SEMA6D: variants seen among roughly 807,000 people sequenced by gnomAD.
The protein encoded by SEMA6D is semaphorin 6D.
A neutral mutation model predicts 106.6 loss-of-function variants in SEMA6D; 35 were observed. That is an observed-to-expected ratio of 0.33 (90% CI 0.25 to 0.44). SEMA6D has a LOEUF of 0.44. Ranked by LOEUF, SEMA6D falls within the 20% of genes least tolerant of loss-of-function variation. The pLI is 1.00. For synonymous variants in SEMA6D, 499 were observed against 487.7 expected, an observed-to-expected ratio of 1.02 and a Z score of -0.31; for missense variants, 1,185 against 1,345.9, an observed-to-expected ratio of 0.88 and a Z score of 1.87.
intron 1 of SEMA6D, among the ~76,000 whole-genome samples, chr15:47,346,264 G>A (rs2038041553): frequency 6.6e-6 from 1 of 152,128 alleles, no homozygotes; most frequent in Non-Finnish European, 1.5e-5. Context: ...TGTAGCTCAA[G>A]GTTTTTCCTT....
chr15:47,461,586 T>C (rs1300120529), intron 2 of SEMA6D, among the ~76,000 whole-genome samples: 2 of 152,048 alleles, frequency 1.3e-5, no homozygotes, highest in African/African-American at 4.8e-5. Flanking sequence ...ATATTAATAA[T>C]AATAATGCCC....
intron 3 of SEMA6D, among the ~76,000 whole-genome samples, chr15:47,571,580 G>C (rs777257898): frequency 3.9e-5 from 6 of 152,190 alleles, no homozygotes; most frequent in Non-Finnish European, 7.3e-5. Flanking sequence ...AATATCTGAT[G>C]CCGAGAACTA....
At chr15:47,748,182 A>G (rs1283730210) in intron 1 of SEMA6D, among the ~76,000 whole-genome samples, 3 of 152,256 alleles carry the variant, frequency 2.0e-5, no homozygotes, top group African/African-American at 7.2e-5. Context: ...CCTGAAGCTC[A>G]TGAACTGGAG....
intron 4 of SEMA6D, among the ~76,000 whole-genome samples, chr15:47,624,111 C>T (rs1440171064): frequency 6.6e-6 from 1 of 152,172 alleles, no homozygotes; most frequent in African/African-American, 2.4e-5. Flanking sequence ...TATGATCTGT[C>T]CTCACCTTCA....
chr15:47,694,734 T>C (rs1224337783), intron 4 of SEMA6D, among the ~76,000 whole-genome samples: 1 of 152,164 alleles, frequency 6.6e-6, no homozygotes, highest in Non-Finnish European at 1.5e-5. Flanking sequence ...TTGTGACCAG[T>C]CAACTGCAAG....
intron 2 of SEMA6D, among the ~76,000 whole-genome samples, chr15:47,453,824 G>T (rs923165605): frequency 1.3e-5 from 2 of 151,882 alleles, no homozygotes; most frequent in African/African-American, 4.8e-5. Context: ...GAAAAGTATT[G>T]CAAATGAAGC....
chr15:47,478,067 T>C (rs1343704850), intron 3 of SEMA6D, among the ~76,000 whole-genome samples: 1 of 152,222 alleles, frequency 6.6e-6, no homozygotes, highest in East Asian at 1.9e-4. Context: ...TAGGCAGCTT[T>C]TATTTCTCAA....
intron 3 of SEMA6D, among the ~76,000 whole-genome samples, chr15:47,499,700 A>G (rs2043784102): frequency 6.6e-6 from 1 of 152,092 alleles, no homozygotes; most frequent in African/African-American, 2.4e-5. Flanking sequence ...AGTTTCTTAG[A>G]TGGAAACAAA....
intron 3 of SEMA6D, among the ~76,000 whole-genome samples, chr15:47,564,515 T>G (rs2142760173): frequency 6.6e-6 from 1 of 152,326 alleles, no homozygotes; most frequent in South Asian, 2.1e-4. Flanking sequence ...TGATCTGAAC[T>G]TACTTGAACT....
At chr15:47,622,360 C>T (rs1213751168) in intron 4 of SEMA6D, among the ~76,000 whole-genome samples, 1 of 152,136 alleles carries the variant, frequency 6.6e-6, no homozygotes, top group East Asian at 1.9e-4. Flanking sequence ...CATGAGGTTT[C>T]CTCTAATGTT....
intron 4 of SEMA6D, among the ~76,000 whole-genome samples, chr15:47,681,845 C>A (rs1344230824): frequency 1.3e-5 from 2 of 152,100 alleles, no homozygotes; most frequent in Admixed American, 1.3e-4. Flanking sequence ...ACTGCTTCTC[C>A]ATCTGAAGAA....
chr15:47,446,254 T>C (rs1559678), intron 2 of SEMA6D, among the ~76,000 whole-genome samples: 74,429 of 151,902 alleles, frequency 0.49, 19,885 homozygotes, highest in African/African-American at 0.72. Flanking sequence ...GTCTTCTTAG[T>C]CACTGTAAGG....
chr15:47,644,294 C>T (rs1306973639), intron 4 of SEMA6D, among the ~76,000 whole-genome samples: 2 of 152,192 alleles, frequency 1.3e-5, no homozygotes, highest in East Asian at 3.8e-4. Context: ...ATGTTAAGTG[C>T]ATACACAATT....
At chr15:47,469,299 G>GGT (rs71299525) in intron 2 of SEMA6D, among the ~76,000 whole-genome samples, 54,216 of 149,280 alleles carry the variant, frequency 0.36, 9,992 homozygotes, top group East Asian at 0.6. Flanking sequence ...GTTGCTTTAA[G>GGT]GTGTGTGTGT....
chr15:47,768,845 G>A (rs886856968), intron 18 of SEMA6D, 97 bp downstream of exon 18: 3 of 1,204,346 alleles, frequency 2.5e-6, no homozygotes, highest in African/African-American at 1.5e-5. Flanking sequence ...GGCCTCACAG[G>A]AGCTTCTGCG....
At chr15:47,693,214 A>G (rs749810558) in intron 4 of SEMA6D, among the ~76,000 whole-genome samples, 1 of 152,132 alleles carries the variant, frequency 6.6e-6, no homozygotes, top group African/African-American at 2.4e-5. Context: ...GGGAAAGGCA[A>G]TGTGAAGAGA....
intron 1 of SEMA6D, among the ~76,000 whole-genome samples, chr15:47,190,144 T>C (rs916002012): frequency 3.3e-5 from 5 of 152,190 alleles, no homozygotes; most frequent in Admixed American, 2.6e-4. Flanking sequence ...AGGTGCTAAA[T>C]ATCTAATTAA....
chr15:47,683,023 G>A (rs1033149962), intron 4 of SEMA6D, among the ~76,000 whole-genome samples: 22 of 152,320 alleles, frequency 1.4e-4, no homozygotes, highest in Admixed American at 1.2e-3. Context: ...ACTCTAAAGA[G>A]CAGACCATGA....
intron 1 of SEMA6D, among the ~76,000 whole-genome samples, chr15:47,343,274 A>ATTATTATTATTATTATTATT (rs71425596): frequency 1.5e-5 from 1 of 65,508 alleles, no homozygotes; most frequent in African/African-American, 1.9e-4. Flanking sequence ...TTATTATTAT[A>ATTATTATTATTATTATTATT]CTTTAAGTTT....
Sources: allele counts gnomAD v4.1 joint callset (sites outside exome capture counted in the v4.1 genomes callset), GRCh38; gene constraint gnomAD v4.1.1; transcripts MANE v1.5; gene names NCBI Gene and HGNC (gene_info 2026-07-23, HGNC 2026-07-21).